The following AFF3 variants were observed in gnomAD, a reference collection of about 807,000 sequenced individuals.
The protein encoded by AFF3 is AF4/FMR2 family member 3.
A neutral mutation model predicts 129.7 loss-of-function variants in AFF3; 32 were observed. That is an observed-to-expected ratio of 0.25 (90% CI 0.19 to 0.33). AFF3 has a LOEUF of 0.33. AFF3 is among the 10% of genes least tolerant of loss of function. The pLI is 1.00. For missense variants in AFF3, 1,373 were observed against 1,592.0 expected, an observed-to-expected ratio of 0.86 and a Z score of 2.34; for synonymous variants, 644 against 635.4, an observed-to-expected ratio of 1.01 and a Z score of -0.20.
At chr2:99,585,645 GA>G (rs1678029255) in intron 16 of AFF3, among the ~76,000 whole-genome samples, 1 of 152,214 alleles carries the variant, frequency 6.6e-6, no homozygotes, top group Non-Finnish European at 1.5e-5. Flanking sequence ...GTAAAGGTAT[GA>G]AACCAGAGTC....
intron 8 of AFF3, among the ~76,000 whole-genome samples, chr2:99,813,042 A>C (rs1002396830): frequency 2.0e-5 from 3 of 152,206 alleles, no homozygotes; most frequent in African/African-American, 7.2e-5. Flanking sequence ...TCCAAAAAAA[A>C]AAAGATAATC....
intron 2 of AFF3, 30 bp downstream of exon 2, chr2:100,129,192 CAG>C (rs778592691): frequency 8.5e-5 from 13 of 152,296 alleles, no homozygotes; most frequent in Admixed American, 2.6e-4. Context: ...GAAACTGCAG[CAG>C]AGATATCACT....
At chr2:99,886,787 A>G (rs1693146618) in intron 7 of AFF3, among the ~76,000 whole-genome samples, 1 of 152,198 alleles carries the variant, frequency 6.6e-6, no homozygotes, top group African/African-American at 2.4e-5. Flanking sequence ...ATTTCATTTG[A>G]AGATTTCTTG....
intron 11 of AFF3, among the ~76,000 whole-genome samples, chr2:99,720,182 T>C (rs1678766844): frequency 6.6e-6 from 1 of 152,228 alleles, no homozygotes; most frequent in Admixed American, 6.5e-5. Flanking sequence ...ATATGGTTTG[T>C]CTGTCTCCAT....
chr2:99,997,477 C>A (rs927087970), intron 7 of AFF3, among the ~76,000 whole-genome samples: 6 of 61,290 alleles, frequency 9.8e-5, no homozygotes, highest in Admixed American at 5.1e-4. Flanking sequence ...CAACTATCAC[C>A]CCCCCCCCAG....
At position 99,650,175 on chromosome 2, in the gene AFF3, T is replaced by C. The variant is rs77298025; in HGVS notation, c.1144-509A>G. Among the ~76,000 whole-genome samples the C allele has an allele frequency of 4.4e-3, 674 of 152,364 alleles. 4 individuals are homozygous for C. The highest frequency in any genetic ancestry group is 8.0e-3 in the Non-Finnish European group (545 of 68,038). ...AGGGATTATTGATTTGCTTTAGGCA[T>C]AGTTAATGATATTATGACAATGGTT... On this transcript the variant is annotated intron_variant, in intron 12 of 24. Coordinates refer to ENST00000672756, the MANE Select transcript of AFF3 (RefSeq NM_001386135.1).
chr2:100,139,699 A>G (rs1306781099), intron 1 of AFF3, among the ~76,000 whole-genome samples: 10 of 152,212 alleles, frequency 6.6e-5, no homozygotes, highest in African/African-American at 2.4e-4. Context: ...GATGAAGAAT[A>G]ATGTTTTTAG....
At chr2:100,052,017 G>A (rs1248391126) in intron 4 of AFF3, among the ~76,000 whole-genome samples, 20 of 152,292 alleles carry the variant, frequency 1.3e-4, no homozygotes, top group Non-Finnish European at 2.9e-5. Context: ...AAAGGGCCTC[G>A]GGATGTTCAT....
At chr2:100,110,177 G>C (rs1014707476) in intron 2 of AFF3, 6 of 152,142 alleles carry the variant, frequency 3.9e-5, no homozygotes, top group Non-Finnish European at 5.9e-5. Context: ...TTAGAGGTCT[G>C]TTTTTTTCAG....
At chr2:100,040,024 G>T (rs1685290749) in intron 4 of AFF3, among the ~76,000 whole-genome samples, 1 of 152,078 alleles carries the variant, frequency 6.6e-6, no homozygotes, top group African/African-American at 2.4e-5. Context: ...CACTACCTCA[G>T]CCTTGCAATC....
chr2:99,582,888 T>C lies in AFF3; in HGVS notation c.2703A>G (p.Arg901=). ...AAGTAAACAAACTGTTGCCATTAGG[T>C]CGGCTGGAAGAAGTTAAGTCCTCGC... The part of the protein sequence containing the change: ...YTSEDLTSSS[R]PNGNSLFTSA... The change falls in exon 17 of 25, where the codon CGA becomes CGG. Residue 901 remains arginine (R), a synonymous_variant. Transcript: ENST00000672756. 1 of 1,614,174 alleles carries C rather than the reference T, an allele frequency of 6.2e-7. No individual in the cohort carries two copies. The highest frequency in any genetic ancestry group is 8.5e-7 in the Non-Finnish European group (1 of 1,180,038).
At chr2:99,891,833 T>TTA (rs1344414131) in intron 7 of AFF3, among the ~76,000 whole-genome samples, 1 of 151,782 alleles carries the variant, frequency 6.6e-6, no homozygotes, top group Non-Finnish European at 1.5e-5. Flanking sequence ...AGCACATTTT[T>TTA]TTTTTTTGAG....
chr2:99,715,091 A>G (rs1678258621), intron 11 of AFF3, among the ~76,000 whole-genome samples: 1 of 152,124 alleles, frequency 6.6e-6, no homozygotes, highest in Non-Finnish European at 1.5e-5. Context: ...CTCTGGGGAG[A>G]GGTAAAGCCA....
chr2:99,850,736 G>T (rs1277035315), intron 7 of AFF3, among the ~76,000 whole-genome samples: 1 of 152,094 alleles, frequency 6.6e-6, no homozygotes, highest in African/African-American at 2.4e-5. Flanking sequence ...GTATTTTCTG[G>T]GTTAGTGTAG....
intron 13 of AFF3, among the ~76,000 whole-genome samples, chr2:99,609,252 G>T (rs893106094): frequency 6.6e-6 from 1 of 151,682 alleles, no homozygotes; most frequent in Non-Finnish European, 1.5e-5. Flanking sequence ...AGGTTTTTGG[G>T]GGGGAGGGGA....
At chr2:99,970,534 T>C (rs1297268444) in intron 7 of AFF3, among the ~76,000 whole-genome samples, 1 of 152,210 alleles carries the variant, frequency 6.6e-6, no homozygotes, top group East Asian at 1.9e-4. Context: ...ACTATTTTTA[T>C]TGCTTGCATA....
intron 11 of AFF3, among the ~76,000 whole-genome samples, chr2:99,691,377 G>C (rs1178729144): frequency 6.6e-6 from 1 of 152,210 alleles, no homozygotes; most frequent in Non-Finnish European, 1.5e-5. Context: ...TTGGGACAGA[G>C]TGTTATTTTG....
At chr2:99,891,945 C>A (rs1693590576) in intron 7 of AFF3, among the ~76,000 whole-genome samples, 1 of 152,128 alleles carries the variant, frequency 6.6e-6, no homozygotes, top group Non-Finnish European at 1.5e-5. Context: ...GCCTCAGTCT[C>A]CGGAGTAGCT....
chr2:99,660,855 G>T (rs1040759002), intron 12 of AFF3, among the ~76,000 whole-genome samples: 3 of 152,156 alleles, frequency 2.0e-5, no homozygotes, highest in Non-Finnish European at 2.9e-5. Flanking sequence ...ATTGGGAAGT[G>T]CCAAGGGACC....
Sources: gnomAD v4.1 joint callset for allele counts (sites outside exome capture counted in the v4.1 genomes callset) on GRCh38, gnomAD v4.1.1 for gene constraint, MANE v1.5 for transcripts, NCBI Gene and HGNC (gene_info 2026-07-23, HGNC 2026-07-21) for gene names.